Variants in CCDC190 observed in about 807,000 individuals in gnomAD.
CCDC190 encodes coiled-coil domain containing 190.
Under a neutral mutation model 13.1 loss-of-function variants are expected in CCDC190, and 10 were observed. The ratio of observed to expected loss-of-function variants is 0.77; its 90% confidence interval spans 0.47 to 1.30. CCDC190 has a LOEUF of 1.30. Ranked by LOEUF, CCDC190 falls within the 50% of genes most tolerant of loss-of-function variation. The pLI, the probability that CCDC190 is intolerant of heterozygous loss-of-function variation, is 0.00. For synonymous variants in CCDC190, 136 were observed against 127.2 expected (o/e 1.07, Z -0.47); for missense variants, 375 against 354.3 (o/e 1.06, Z -0.47).
rs539952824 is a variant in CCDC190, at chr1:162,851,829, G to T, written c.*2936C>A. 3 of 152,166 alleles carry T rather than the reference G, an allele frequency of 2.0e-5. No individual in the cohort carries two copies. The highest frequency in any genetic ancestry group is 7.2e-5 in the African/African-American group (3 of 41,434). The allele number at this position is 152,166 out of a possible 1,614,324, so 9.4% of individuals were successfully genotyped here. On this transcript the variant is annotated 3_prime_UTR_variant, in exon 4 of 4. Coordinates refer to ENST00000367912, the MANE Select transcript of CCDC190 (RefSeq NM_001394065.1). Reference sequence around the variant, plus strand: ...CCTTCTAACCATGTGTTACTAATTTGAATGTTAAAGATTTGTATTTGTAGG... The same window carrying T: ...CCTTCTAACCATGTGTTACTAATTTTAATGTTAAAGATTTGTATTTGTAGG...
chr1:162,861,880 C>G (rs934982694), upstream of CCDC190, among the ~76,000 whole-genome samples: 1 of 152,066 alleles, frequency 6.6e-6, no homozygotes, highest in African/African-American at 2.4e-5. Context: ...GATAATCCCC[C>G]CAGAGTTTAC....
At chr1:162,867,488 C>T (rs1400686714) in intron 1 of CCDC190, among the ~76,000 whole-genome samples, 1 of 152,152 alleles carries the variant, frequency 6.6e-6, no homozygotes, top group Non-Finnish European at 1.5e-5. Context: ...GTTTTGTGAA[C>T]ATAAAATGGT....
upstream of CCDC190, among the ~76,000 whole-genome samples, chr1:162,864,530 C>T (rs1650633294): frequency 6.6e-6 from 1 of 151,854 alleles, no homozygotes; most frequent in African/African-American, 2.4e-5. Flanking sequence ...CTGTTCAAAG[C>T]AAAACAGAAA....
At position 162,853,636 on chromosome 1, in the gene CCDC190, T is replaced by A. The variant is rs903768767; in HGVS notation, c.*1129A>T. Among the ~76,000 whole-genome samples, 16 of 152,208 alleles carry A rather than the reference T, an allele frequency of 1.1e-4. No homozygotes were observed. Among genetic ancestry groups the A allele is most frequent in the African/African-American group, 3.6e-4 (15 of 41,458 alleles). On this transcript the variant is annotated 3_prime_UTR_variant, in exon 4 of 4. Transcript: ENST00000367912. ...TTATCATTTCTGAGCTAAATAATCT[T>A]GTTTCATCAAAATATCCCAGGCTGG...
chr1:162,855,387 C>A, intron 3 of CCDC190, 28 bp from the exon 4 acceptor site: 1 of 1,562,516 alleles, frequency 6.4e-7, no homozygotes, highest in Non-Finnish European at 8.6e-7. Flanking sequence ...AGAAAGATCT[C>A]TGAAAACCAA....
At chr1:162,855,443 C>A in intron 3 of CCDC190, 84 bp from the exon 4 acceptor site, 2 of 1,487,960 alleles carry the variant, frequency 1.3e-6, no homozygotes, top group South Asian at 1.3e-5. Context: ...GGATGTGGCC[C>A]CCTTCAGTAT....
rs1168414615 is a variant in CCDC190 at position 162,854,474 on chromosome 1, CTG to C, written c.*289_*290del. The C allele has an allele frequency of 5.3e-6, 6 of 1,128,286 alleles. No homozygotes were observed. The East Asian group carries it at 2.2e-4, about 40-fold the overall frequency. 69.9% of individuals were successfully genotyped at this position (1,128,286 alleles called of 1,614,324 possible). A position where few individuals can be genotyped will look rare whatever the true frequency, so the allele number is the denominator to read the frequency against. ...AAACAGGAAGTCCCTGAAAGCAAGA[CTG>C]TTACTGTTTTCCCAAGTCCAGTCAT... On this transcript the variant is annotated 3_prime_UTR_variant, in exon 4 of 4. Coordinates refer to ENST00000367912, the MANE Select transcript of CCDC190 (RefSeq NM_001394065.1).
chr1:162,861,977 G>C (rs1650538031), upstream of CCDC190, among the ~76,000 whole-genome samples: 1 of 152,056 alleles, frequency 6.6e-6, no homozygotes, highest in Non-Finnish European at 1.5e-5. Context: ...AGGGGTGGCA[G>C]GGAGGAAGAG....
At position 162,853,307 on chromosome 1, in the gene CCDC190, C is replaced by T; in HGVS notation, c.*1458G>A. 1 of 565,452 alleles carries T rather than the reference C, an allele frequency of 1.8e-6. No homozygotes were observed. Among genetic ancestry groups the T allele is most frequent in the Non-Finnish European group, 3.0e-6 (1 of 328,256 alleles). The allele number at this position is 565,452 out of a possible 1,614,324, so 35.0% of individuals were successfully genotyped here. On this transcript the variant is annotated 3_prime_UTR_variant, in exon 4 of 4. Coordinates refer to ENST00000367912, the MANE Select transcript of CCDC190 (RefSeq NM_001394065.1). ...GCCATCTATTAGCAAGTTACCACCA[C>T]TCTTCCCTCTATTTCCTTATCTGTA...
At chr1:162,856,448 G>T (rs1650304720) in intron 2 of CCDC190, among the ~76,000 whole-genome samples, 1 of 152,130 alleles carries the variant, frequency 6.6e-6, no homozygotes, top group Admixed American at 6.5e-5. Flanking sequence ...CAAAATGACT[G>T]GGTGTGAGTG....
At chr1:162,865,960 A>T (rs543456471), upstream of CCDC190, among the ~76,000 whole-genome samples, 1 of 152,352 alleles carries the variant, frequency 6.6e-6, no homozygotes, top group Non-Finnish European at 1.5e-5. Context: ...CACAGATGAC[A>T]TAATTTTCTG....
chr1:162,859,426 G>A, intron 2 of CCDC190, 34 bp downstream of exon 2: 1 of 1,592,374 alleles, frequency 6.3e-7, no homozygotes. Context: ...CTGTGCCTCT[G>A]GGGCATCCTC....
chr1:162,854,915 G>A lies in CCDC190; in HGVS notation c.756C>T (p.Ala252=). Reference sequence around the variant, plus strand: ...TGTGCCGGAGATAATGGGCATTTCTGGCCTTTGAAAGCAACTCTAAGAAGG... The same window carrying A: ...TGTGCCGGAGATAATGGGCATTTCTAGCCTTTGAAAGCAACTCTAAGAAGG... ...KPTFLELLSK[A]RNAHYLRHRV... The change falls in exon 4 of 4, where the codon GCC becomes GCT. Residue 252 remains alanine, a synonymous_variant. Transcript: ENST00000367912. 6.2e-7 allele frequency: 1 copy of A among 1,613,998 alleles called. No homozygotes were observed. The highest frequency in any genetic ancestry group is 8.5e-7 in the Non-Finnish European group (1 of 1,179,876).
Position 162,861,021 on chromosome 1 carries a change from G to GT in CCDC190, c.-27dup, listed in dbSNP as rs1217547762. ...AGTAGAACTTACCTCCAAATCCAGA[G>GT]TTTTCACCATGAGACTATGTCTTGT... On this transcript the variant is annotated 5_prime_UTR_variant, in exon 1 of 4. Coordinates refer to ENST00000367912, the MANE Select transcript of CCDC190 (RefSeq NM_001394065.1). 2 of 984,844 alleles carry GT rather than the reference G, an allele frequency of 2.0e-6. No individual in the cohort carries two copies. Among genetic ancestry groups the GT allele is most frequent in the Admixed American group, 6.2e-5 (1 of 16,260 alleles). The allele number at this position is 984,844 out of a possible 1,614,324, so 61.0% of individuals were successfully genotyped here.
chr1:162,856,330 T>C (rs1411977934), intron 2 of CCDC190, among the ~76,000 whole-genome samples: 1 of 152,224 alleles, frequency 6.6e-6, no homozygotes, highest in Non-Finnish European at 1.5e-5. Context: ...GTTTGCGTAG[T>C]ATATGTTAAA....
chr1:162,859,520 C>A lies in CCDC190; in HGVS notation c.127G>T (p.Val43Leu), dbSNP rs1193344243. 1 of 1,613,794 alleles carries A rather than the reference C, an allele frequency of 6.2e-7. No homozygotes were observed. Among genetic ancestry groups the A allele is most frequent in the Non-Finnish European group, 8.5e-7 (1 of 1,179,798 alleles). Residue 43 changes from valine to leucine, a missense_variant, in exon 2 of 4, where the codon GTG becomes TTG. Val to Leu is a conservative substitution (Grantham distance 32). Transcript: ENST00000367912. ...CTCTGCTCCCAGGTCAGCAATTTCACATGGTAGAGGCAAATAACCTTTAGT... is the reference window on the plus strand; with the variant it reads ...CTCTGCTCCCAGGTCAGCAATTTCAAATGGTAGAGGCAAATAACCTTTAGT... ...QRLKVICLYH[V>L]KLLTWEQRQL... is the part of the protein sequence containing the mutation.
In CCDC190 at chr1:162,855,753, T is replaced by C; in HGVS notation, c.190A>G (p.Thr64Ala). The C allele has an allele frequency of 6.3e-7, 1 of 1,591,792 alleles. No homozygotes were observed. Among genetic ancestry groups the C allele is most frequent in the South Asian group, 1.1e-5 (1 of 88,446 alleles). Reference protein sequence around the residue: ...QKELQRLQQETMKKKFSSYLG... With the variant: ...QKELQRLQQEAMKKKFSSYLG... ...TAAGAGGAGAACTTTTTCTTCATGG[T>C]TTCTGCTTTGAGTTAATTAAGAAGT... The change falls in exon 3 of 4, where the codon ACC becomes GCC. Residue 64 changes from threonine to alanine, a missense_variant and splice_region_variant. By Grantham distance (58) the Thr-to-Ala change is moderately conservative (BLOSUM62 0). Transcript: ENST00000367912.
chr1:162,854,421 A>G lies in CCDC190; in HGVS notation c.*344T>C. On this transcript the variant is annotated 3_prime_UTR_variant, in exon 4 of 4. Transcript: ENST00000367912. Reference sequence around the variant, plus strand: ...AGAATAGCTATGCCGTTTTGCCAGCAGGTGGCACCATGAGAATCTCCTAGA... The same window carrying G: ...AGAATAGCTATGCCGTTTTGCCAGCGGGTGGCACCATGAGAATCTCCTAGA... 3 of 1,054,686 alleles carry G rather than the reference A, an allele frequency of 2.8e-6. No homozygotes were observed. The highest frequency in any genetic ancestry group is 3.4e-6 in the Non-Finnish European group (3 of 873,048). 65.3% of individuals were successfully genotyped at this position (1,054,686 alleles called of 1,614,324 possible).
In CCDC190 at chr1:162,853,274, G is replaced by A; in HGVS notation, c.*1491C>T. The A allele has an allele frequency of 1.4e-6, 1 of 730,358 alleles. No homozygotes were observed. Among genetic ancestry groups the A allele is most frequent in the Non-Finnish European group, 2.1e-6 (1 of 468,834 alleles). The allele number at this position is 730,358 out of a possible 1,614,324, so 45.2% of individuals were successfully genotyped here. A position where few individuals can be genotyped will look rare whatever the true frequency, so the allele number is the denominator to read the frequency against. On this transcript the variant is annotated 3_prime_UTR_variant, in exon 4 of 4. Coordinates refer to ENST00000367912, the MANE Select transcript of CCDC190 (RefSeq NM_001394065.1). ...AAATTGAGTAGAAGAGAGATCAAAT[G>A]CTAGTCTGCCATCTATTAGCAAGTT...
Sources: allele counts gnomAD v4.1 joint callset (sites outside exome capture counted in the v4.1 genomes callset), GRCh38; gene constraint gnomAD v4.1.1; transcripts MANE v1.5; gene names NCBI Gene and HGNC (gene_info 2026-07-23, HGNC 2026-07-21).